Variants in SMARCA4 observed in about 807,000 individuals in gnomAD.
SMARCA4 encodes SWI/SNF related BAF chromatin remodeling complex subunit ATPase 4, also known as SWI/SNF-related matrix-associated actin-dependent regulator of chromatin subfamily A member 4.
A neutral mutation model predicts 193.9 loss-of-function variants in SMARCA4; 31 were observed. The observed-to-expected ratio is 0.16, with a 90% CI of 0.12 to 0.22. The LOEUF (loss-of-function observed/expected upper bound fraction) is 0.22. Among genes scored for constraint, SMARCA4 ranks in the 10% least tolerant of loss-of-function variants. The pLI is 1.00. For synonymous variants in SMARCA4, 942 were observed against 933.1 expected, an observed-to-expected ratio of 1.01 and a Z score of -0.17; for missense variants, 1,148 against 2,296.0, an observed-to-expected ratio of 0.50 and a Z score of 10.22.
chr19:11,001,735 CTG>C (rs2087659809), intron 11 of SMARCA4, among the ~76,000 whole-genome samples: 1 of 152,162 alleles, frequency 6.6e-6, no homozygotes, highest in Non-Finnish European at 1.5e-5. Context: ...GGTATTGACA[CTG>C]TGAGCGCAGC....
At chr19:10,969,429 CT>C (rs888509233) in intron 1 of SMARCA4, among the ~76,000 whole-genome samples, 6 of 148,278 alleles carry the variant, frequency 4.0e-5, no homozygotes, top group African/African-American at 1.2e-4. Flanking sequence ...ATATTTCTTT[CT>C]TTTTTTTTTC....
At position 10,985,376 on chromosome 19, in the gene SMARCA4, C is replaced by T. The variant is rs763471007; in HGVS notation, c.326C>T (p.Pro109Leu). ...GGGGGCCATGCTGGGATGGGGCCCC[C>T]GCCCAGCCCCATGGACCAGCACTCC... The part of the protein sequence containing the change: ...RSGGHAGMGP[P>L]PSPMDQHSQG... Residue 109 changes from proline (P) to leucine (L), a missense_variant, in exon 3 of 35, where the codon CCG (proline) becomes CTG (leucine). This residue lies in a region of SMARCA4 where 201 missense variants were observed against 248.3 expected (regional missense o/e 0.81). Coordinates refer to ENST00000344626, the MANE Select transcript of SMARCA4 (RefSeq NM_003072.5). The surrounding 1 kb of genome is among the most constrained non-coding windows in gnomAD (Gnocchi z 4.5). 15 of 1,613,800 alleles carry T rather than the reference C, an allele frequency of 9.3e-6. No individual in the cohort carries two copies. Among genetic ancestry groups the T allele is most frequent in the East Asian group, 2.2e-5 (1 of 44,884 alleles).
chr19:11,057,644 G>A (rs549476201), intron 30 of SMARCA4, among the ~76,000 whole-genome samples: 1 of 151,670 alleles, frequency 6.6e-6, no homozygotes, highest in Non-Finnish European at 1.5e-5. Context: ...CAGGAGAATT[G>A]CTTGAGCCCA....
Position 10,984,772 on chromosome 19 carries a change from G to C in SMARCA4, c.222+399G>C, listed in dbSNP as rs1025477304. On this transcript the variant is annotated intron_variant, in intron 2 of 34. Coordinates refer to ENST00000344626, the MANE Select transcript of SMARCA4 (RefSeq NM_003072.5). This position sits in a 1 kb window ranked among gnomAD's most constrained non-coding sequence, Gnocchi z 4.3. ...TGTGCAGCTCGCAGAGCCGAGCAGCGGGTTCCCTTTCCTCCAAGGCGTGCC... is the reference window on the plus strand; with the variant it reads ...TGTGCAGCTCGCAGAGCCGAGCAGCCGGTTCCCTTTCCTCCAAGGCGTGCC... 1.3e-5 allele frequency among the ~76,000 whole-genome samples: 2 copies of C among 152,220 alleles called. No individual in the cohort carries two copies. Among genetic ancestry groups the C allele is most frequent in the African/African-American group, 2.4e-5 (1 of 41,462 alleles).
chr19:11,012,719 A>T, intron 15 of SMARCA4: 1 of 583,414 alleles, frequency 1.7e-6, no homozygotes, highest in South Asian at 1.8e-5. Context: ...ACACGTGTCC[A>T]TCGTTCGCAC....
At chr19:11,021,461 T>C (rs1236550521) in intron 18 of SMARCA4, 1 of 589,864 alleles carries the variant, frequency 1.7e-6, no homozygotes, top group South Asian at 1.7e-5. Context: ...GAAGCCAGAT[T>C]GCTTTTTTGC....
rs762148337 is a variant in SMARCA4 at position 11,009,007 on chromosome 19, C to CTTTTTTTTTTTTTTTTTTT, written c.2123+1000_2123+1018dup. On this transcript the variant is annotated intron_variant, in intron 14 of 34. Coordinates refer to ENST00000344626, the MANE Select transcript of SMARCA4 (RefSeq NM_003072.5). ...AAAAAATGTAGGTGGATAAAAGTCA[C>CTTTTTTTTTTTTTTTTTTT]TTTTTTTTTTTTTTTTTTTTTTTTT... 2.0e-4 allele frequency among the ~76,000 whole-genome samples: 8 copies of CTTTTTTTTTTTTTTTTTTT among 40,956 alleles called. 1 individual carries two copies. Among genetic ancestry groups the CTTTTTTTTTTTTTTTTTTT allele is most frequent in the Non-Finnish European group, 2.4e-4 (6 of 24,632 alleles). The allele number at this position is 40,956 out of a possible 152,430, so 26.9% of individuals were successfully genotyped here. A position where few individuals can be genotyped will look rare whatever the true frequency, so the allele number is the denominator to read the frequency against.
intron 30 of SMARCA4, among the ~76,000 whole-genome samples, chr19:11,049,581 C>T (rs1480208878): frequency 6.6e-6 from 1 of 152,004 alleles, no homozygotes; most frequent in African/African-American, 2.4e-5. Flanking sequence ...GCCTCCCTCC[C>T]TGGGTTCTTT....
At chr19:11,006,760 T>C (rs17001086) in intron 13 of SMARCA4, among the ~76,000 whole-genome samples, 14,848 of 151,988 alleles carry the variant, frequency 0.098, 797 homozygotes, top group South Asian at 0.11. Context: ...TAATTAGTAA[T>C]GAAAGTCCAC....
intron 32 of SMARCA4, 126 bp from the exon 33 acceptor site, chr19:11,059,627 G>A: frequency 9.3e-7 from 1 of 1,071,030 alleles, no homozygotes; most frequent in East Asian, 2.6e-5. Flanking sequence ...ACCCGCTGAG[G>A]CTCGCATTGG....
At chr19:11,051,740 C>T (rs930970581) in intron 30 of SMARCA4, among the ~76,000 whole-genome samples, 5 of 152,048 alleles carry the variant, frequency 3.3e-5, no homozygotes, top group African/African-American at 7.2e-5. Context: ...CCGCCAGCCT[C>T]GGCCTCCCAA....
Position 10,978,195 on chromosome 19 carries a change from T to C in SMARCA4, c.-31-5926T>C, listed in dbSNP as rs111349476. 1.8e-3 allele frequency among the ~76,000 whole-genome samples: 277 copies of C among 152,308 alleles called. 1 individual carries two copies. The highest frequency in any genetic ancestry group is 6.8e-3 in the Middle Eastern group (2 of 294). Reference sequence around the variant, plus strand: ...AGGCAAGCCACAGTCCCCGCTGGATTTGCAAATATCCCTTCCCTTCCTCTG... The same window carrying C: ...AGGCAAGCCACAGTCCCCGCTGGATCTGCAAATATCCCTTCCCTTCCTCTG... On this transcript the variant is annotated intron_variant, in intron 1 of 34. Transcript: ENST00000344626.
In SMARCA4 at chr19:11,013,185, A is replaced by G. The variant is rs555428045; in HGVS notation, c.2438+73A>G. ...TGTGTTTGTTTCCTAAGTTTGCCGC[A>G]GTAGAATACCACAAACGAGGTGGCT... On this transcript the variant is annotated intron_variant, in intron 16 of 34. Transcript: ENST00000344626. The G allele has an allele frequency of 6.7e-5, 103 of 1,526,870 alleles. 1 individual carries two copies. In the East Asian group the frequency reaches 1.5e-3, roughly 22 times the overall value. The allele number at this position is 1,526,870 out of a possible 1,614,324, so 94.6% of individuals were successfully genotyped here. A position where few individuals can be genotyped will look rare whatever the true frequency, so the allele number is the denominator to read the frequency against.
At chr19:10,996,029 G>T in intron 9 of SMARCA4, 184 bp from the exon 10 acceptor site, 1 of 712,838 alleles carries the variant, frequency 1.4e-6, no homozygotes. Flanking sequence ...TTGGAACCTA[G>T]CCCTTGGTGG....
At chr19:10,989,786 A>C (rs141824811) in intron 7 of SMARCA4, among the ~76,000 whole-genome samples, 1 of 150,398 alleles carries the variant, frequency 6.6e-6, no homozygotes, top group East Asian at 2.0e-4. Context: ...ACTGCAACCA[A>C]CGCCTCCTGG....
At chr19:10,965,973 T>TG (rs2084183528) in intron 1 of SMARCA4, among the ~76,000 whole-genome samples, 3 of 130,494 alleles carry the variant, frequency 2.3e-5, no homozygotes, top group African/African-American at 8.9e-5. Context: ...TGGCATGGTT[T>TG]TTTTTTTTTT....
rs773346604 is a variant in SMARCA4, at chr19:11,033,533, G to A, written c.3774+16G>A. On this transcript the variant is annotated intron_variant, in intron 26 of 34. Coordinates refer to ENST00000344626, the MANE Select transcript of SMARCA4 (RefSeq NM_003072.5). The surrounding 1 kb of genome is among the most constrained non-coding windows in gnomAD (Gnocchi z 9.8). ...GCAGGATGAGGTGAGCCCAGCACCG[G>A]CCCCGACCCCTCCCCAGCGTGAATG... The A allele has an allele frequency of 1.3e-6, 2 of 1,596,326 alleles. No homozygotes were observed. Among genetic ancestry groups the A allele is most frequent in the Admixed American group, 1.7e-5 (1 of 59,996 alleles).
chr19:10,998,111 T>C (rs1490646375), intron 11 of SMARCA4, among the ~76,000 whole-genome samples: 2 of 152,202 alleles, frequency 1.3e-5, no homozygotes, highest in Non-Finnish European at 2.9e-5. Context: ...GGTCTTGAAC[T>C]CCTGGGCTCA....
chr19:10,984,143 C>T lies in SMARCA4; in HGVS notation c.-9C>T. On this transcript the variant is annotated 5_prime_UTR_variant, in exon 2 of 35. Coordinates refer to ENST00000344626, the MANE Select transcript of SMARCA4 (RefSeq NM_003072.5). The surrounding 1 kb of genome is among the most constrained non-coding windows in gnomAD (Gnocchi z 4.3). Reference sequence around the variant, plus strand: ...CAGCAGGAGGCCACTGTCTGCAGCTCCCGTGAAGATGTCCACTCCAGACCC... The same window carrying T: ...CAGCAGGAGGCCACTGTCTGCAGCTTCCGTGAAGATGTCCACTCCAGACCC... 1 of 1,613,672 alleles carries T rather than the reference C, an allele frequency of 6.2e-7. No individual in the cohort carries two copies. Among genetic ancestry groups the T allele is most frequent in the Non-Finnish European group, 8.5e-7 (1 of 1,179,942 alleles).
Sources: gnomAD v4.1 joint callset for allele counts (sites outside exome capture counted in the v4.1 genomes callset) on GRCh38, gnomAD v4.1.1 for gene constraint, gnomAD v4.1.1 regional missense constraint, Gnocchi (gnomAD v3.1) non-coding constraint, MANE v1.5 for transcripts, NCBI Gene and HGNC (gene_info 2026-07-23, HGNC 2026-07-21) for gene names.